AGAP6: variants seen among roughly 807,000 people sequenced by gnomAD.
The protein encoded by AGAP6 is arf-GAP with GTPase, ANK repeat and PH domain-containing protein 6.
Under a neutral mutation model 63.9 loss-of-function variants are expected in AGAP6, and 29 were observed. The observed-to-expected ratio is 0.45, with a 90% CI of 0.34 to 0.62. AGAP6 has a LOEUF of 0.62. Ranked by LOEUF, AGAP6 falls within the 20% of genes least tolerant of loss-of-function variation. AGAP6 has a pLI of 0.01. For missense variants in AGAP6, 493 were observed against 884.9 expected (o/e 0.56, Z 5.62); for synonymous variants, 199 against 332.9 (o/e 0.60, Z 4.38).
At chr10:49,991,101 C>T (rs1382296170) in intron 2 of AGAP6, among the ~76,000 whole-genome samples, 1 of 152,184 alleles carries the variant, frequency 6.6e-6, no homozygotes, top group Middle Eastern at 3.4e-3. Context: ...AGAAATAAGG[C>T]CTGTGTATGT....
chr10:50,004,560 T>C, intron 5 of AGAP6, 125 bp from the exon 6 acceptor site: 1 of 511,450 alleles, frequency 2.0e-6, no homozygotes, highest in East Asian at 3.6e-5. Flanking sequence ...TATGGTACTG[T>C]TCTGAACTAG....
At chr10:49,988,999 G>C (rs1841154475) in intron 1 of AGAP6, 61 bp downstream of exon 1, 2 of 1,599,016 alleles carry the variant, frequency 1.3e-6, no homozygotes, top group Admixed American at 1.7e-5. Context: ...TGTCCCCATG[G>C]TTCCCTTTGA....
Position 50,008,954 on chromosome 10 carries a change from G to A in AGAP6, c.829G>A (p.Gly277Arg), listed in dbSNP as rs782716959. 6.8e-6 allele frequency: 11 copies of A among 1,613,960 alleles called. No individual in the cohort carries two copies. The highest frequency in any genetic ancestry group is 6.7e-5 in the East Asian group (3 of 44,874). Residue 277 changes from glycine (G) to arginine (R), a missense_variant, in exon 8 of 8, where the codon GGG (glycine) becomes AGG (arginine). Coordinates refer to ENST00000412531, the MANE Select transcript of AGAP6 (RefSeq NM_001077665.3). ...KAPENHADTI[G>R]SGRAIPIKQG... The stretch of plus-strand genomic sequence containing the variant: ...CCCGGAGAATCATGCTGACACCATC[G>A]GGAGCGGTAGAGCCATCCCCATTAA...
intron 5 of AGAP6, 77 bp from the exon 6 acceptor site, chr10:50,004,608 T>A: frequency 5.5e-6 from 4 of 723,274 alleles, no homozygotes; most frequent in Non-Finnish European, 8.7e-6. Context: ...GAGTTTCCTC[T>A]GCCCCCCTTT....
At chr10:49,992,633 A>G (rs551393257) in intron 3 of AGAP6, among the ~76,000 whole-genome samples, 3 of 152,354 alleles carry the variant, frequency 2.0e-5, no homozygotes, top group Admixed American at 2.0e-4. Flanking sequence ...GGCTGTACAA[A>G]CATGGCTTTA....
intron 3 of AGAP6, among the ~76,000 whole-genome samples, chr10:49,993,390 G>A (rs151245967): frequency 0.062 from 9,474 of 152,238 alleles, 441 homozygotes; most frequent in Non-Finnish European, 0.1. Flanking sequence ...AAAGGCAGAG[G>A]CAGTGTAGGA....
At chr10:49,993,480 G>T (rs1430960482) in intron 3 of AGAP6, among the ~76,000 whole-genome samples, 121 of 151,914 alleles carry the variant, frequency 8.0e-4, no homozygotes, top group African/African-American at 2.8e-3. Context: ...GATTTTTTGT[G>T]CTGCAGACAC....
intron 5 of AGAP6, among the ~76,000 whole-genome samples, chr10:50,003,676 C>T (rs1841796045): frequency 6.6e-6 from 1 of 152,178 alleles, no homozygotes; most frequent in African/African-American, 2.4e-5. Context: ...ATTAAAGCTT[C>T]TCAGGCGATT....
chr10:50,007,799 G>GCATTTCTGACTGGTTAT (rs1681736207), intron 6 of AGAP6, among the ~76,000 whole-genome samples: 1 of 151,976 alleles, frequency 6.6e-6, no homozygotes. Flanking sequence ...ATACTCACGG[G>GCATTTCTGACTGGTTAT]CATTTCTGAC....
At chr10:50,005,639 G>T (rs2132157046) in intron 6 of AGAP6, among the ~76,000 whole-genome samples, 1 of 151,862 alleles carries the variant, frequency 6.6e-6, no homozygotes, top group Non-Finnish European at 1.5e-5. Context: ...GCAATAAGCT[G>T]GTGGGGCGCA....
In AGAP6 at chr10:50,010,483, T is replaced by C. The variant is rs1842070981; in HGVS notation, c.*297T>C. ...TGTGAAAACATATTTGAAATAAAGT[T>C]CATAAATATGCATTGATTTTTGTAC... is the stretch of plus-strand genomic sequence containing the variant. On this transcript the variant is annotated 3_prime_UTR_variant, in exon 8 of 8. Transcript: ENST00000412531. 6 of 662,516 alleles carry C rather than the reference T, an allele frequency of 9.1e-6. No homozygotes were observed. The highest frequency in any genetic ancestry group is 6.1e-5 in the South Asian group (3 of 49,080). 41.0% of individuals were successfully genotyped at this position (662,516 alleles called of 1,614,324 possible). A position where few individuals can be genotyped will look rare whatever the true frequency, so the allele number is the denominator to read the frequency against.
rs782101335 is a variant in AGAP6 at position 49,988,854 on chromosome 10, G to A, written c.139G>A (p.Ala47Thr). 3 of 1,598,840 alleles carry A rather than the reference G, an allele frequency of 1.9e-6. No homozygotes were observed. Among genetic ancestry groups the A allele is most frequent in the South Asian group, 2.2e-5 (2 of 90,978 alleles). Residue 47 changes from alanine to threonine, a missense_variant, in exon 1 of 8, where the codon GCT becomes ACT. Ala to Thr is a moderately conservative substitution (Grantham distance 58, BLOSUM62 0). Around this residue, in one of 7 missense-constraint regions of AGAP6, gnomAD observed 342 missense variants for 533.4 expected, o/e 0.64. Coordinates refer to ENST00000412531, the MANE Select transcript of AGAP6 (RefSeq NM_001077665.3). ...CAGGATGGCAGGAGCGCCCATGGCT[G>A]CTGCTGTACAGCCTGCTGAGGTGAC... The part of the protein sequence containing the change: ...RDRMAGAPMA[A>T]AVQPAEVTVE...
At chr10:49,991,954 CT>C (rs1841298379) in intron 3 of AGAP6, among the ~76,000 whole-genome samples, 2 of 152,030 alleles carry the variant, frequency 1.3e-5, no homozygotes, top group African/African-American at 4.8e-5. Context: ...ATTTTGCCAT[CT>C]TTTTATCAAC....
chr10:50,001,810 C>T (rs1841722431), intron 4 of AGAP6, among the ~76,000 whole-genome samples, 186 bp from the exon 5 acceptor site: 2 of 132,556 alleles, frequency 1.5e-5, no homozygotes, highest in South Asian at 2.7e-4. Flanking sequence ...CATTTTATAA[C>T]CCATATCTTA....
chr10:50,005,964 A>G (rs1841901669), intron 6 of AGAP6, among the ~76,000 whole-genome samples: 1 of 149,414 alleles, frequency 6.7e-6, no homozygotes, highest in Admixed American at 6.7e-5. Flanking sequence ...CCTCATGCAA[A>G]TATGTAGTTG....
intron 6 of AGAP6, among the ~76,000 whole-genome samples, chr10:50,005,515 G>T (rs1239295175): frequency 5.9e-5 from 9 of 152,198 alleles, no homozygotes; most frequent in African/African-American, 1.9e-4. Flanking sequence ...GGAGGCTGAG[G>T]CAGGAGAACC....
chr10:49,991,643 A>G (rs1841284359), intron 2 of AGAP6, 33 bp from the exon 3 acceptor site: 6 of 1,595,730 alleles, frequency 3.8e-6, no homozygotes, highest in Non-Finnish European at 5.1e-6. Flanking sequence ...CAATGATTAC[A>G]TCTTTTTTTC....
chr10:49,996,818 C>G lies in AGAP6; in HGVS notation c.396+2389C>G, dbSNP rs1236833050. 2.7e-5 allele frequency among the ~76,000 whole-genome samples: 4 copies of G among 150,622 alleles called. No individual in the cohort carries two copies. The East Asian group carries it at 7.9e-4, about 30-fold the overall frequency. ...GTAAGTTCACAACCTGCCTTTAGTT[C>G]TGCAAGACAAACTGGCTCACTTGTG... On this transcript the variant is annotated intron_variant, in intron 4 of 7. Transcript: ENST00000412531.
chr10:49,995,792 G>A (rs548887454), intron 4 of AGAP6, among the ~76,000 whole-genome samples: 28 of 152,344 alleles, frequency 1.8e-4, no homozygotes, highest in Non-Finnish European at 3.7e-4. Flanking sequence ...TTGATAGAGA[G>A]TACACCTCTA....
Sources: gnomAD v4.1 joint callset for allele counts (sites outside exome capture counted in the v4.1 genomes callset) on GRCh38, gnomAD v4.1.1 for gene constraint, gnomAD v4.1.1 regional missense constraint, MANE v1.5 for transcripts, NCBI Gene and HGNC (gene_info 2026-07-23, HGNC 2026-07-21) for gene names.